ROBO1: variants seen among roughly 807,000 people sequenced by gnomAD.
The protein encoded by ROBO1 is roundabout homolog 1.
In ROBO1, 149 loss-of-function variants were observed where a neutral mutation model predicts 195.9. That is an observed-to-expected ratio of 0.76 (90% CI 0.67 to 0.87). The LOEUF is 0.87. ROBO1 is among the 40% of genes least tolerant of loss of function. The pLI is 0.00. For missense variants in ROBO1, 1,933 were observed against 2,068.3 expected (o/e 0.93, Z 1.27); for synonymous variants, 816 against 733.2 (o/e 1.11, Z -1.82).
intron 4 of ROBO1, among the ~76,000 whole-genome samples, chr3:78,878,726 G>C (rs915475641): frequency 7.7e-6 from 1 of 129,288 alleles, no homozygotes; most frequent in African/African-American, 2.7e-5. Context: ...GCTAAATAGA[G>C]TATGTGAAGC....
intron 4 of ROBO1, among the ~76,000 whole-genome samples, chr3:78,752,594 T>A (rs545768371): frequency 1.3e-5 from 2 of 152,224 alleles, no homozygotes; most frequent in African/African-American, 4.8e-5. Context: ...GTGTGAAAAA[T>A]TTCTTAATAT....
intron 2 of ROBO1, among the ~76,000 whole-genome samples, chr3:79,226,415 T>C (rs78792727): frequency 5.3e-5 from 8 of 152,174 alleles, no homozygotes; most frequent in African/African-American, 1.2e-4. Flanking sequence ...CAAGTCTTCT[T>C]TGAGCTCCTG....
At chr3:79,698,201 G>GAAATTTGTTTGCCAAAGCATT (rs1947503096) in intron 1 of ROBO1, among the ~76,000 whole-genome samples, 1 of 151,384 alleles carries the variant, frequency 6.6e-6, no homozygotes, top group Non-Finnish European at 1.5e-5. Flanking sequence ...GAACTTACTA[G>GAAATTTGTTTGCCAAAGCATT]AAATTTGTTT....
intron 3 of ROBO1, among the ~76,000 whole-genome samples, chr3:79,010,300 G>A (rs2077743339): frequency 6.6e-6 from 1 of 152,060 alleles, no homozygotes; most frequent in Non-Finnish European, 1.5e-5. Context: ...CTACTTTTAT[G>A]TCCTCACTCT....
At chr3:79,679,140 T>C (rs1404366209) in intron 1 of ROBO1, among the ~76,000 whole-genome samples, 2 of 152,038 alleles carry the variant, frequency 1.3e-5, no homozygotes, top group Admixed American at 1.3e-4. Context: ...TTTGATATGA[T>C]ACTTAAACAT....
At chr3:79,650,492 T>A (rs1945970889) in intron 1 of ROBO1, among the ~76,000 whole-genome samples, 1 of 151,692 alleles carries the variant, frequency 6.6e-6, no homozygotes, top group Non-Finnish European at 1.5e-5. Flanking sequence ...TATCAAAATT[T>A]TGATGGTAAA....
chr3:78,782,127 A>G (rs2083694584), intron 4 of ROBO1, among the ~76,000 whole-genome samples: 1 of 151,964 alleles, frequency 6.6e-6, no homozygotes, highest in African/African-American at 2.4e-5. Flanking sequence ...ATGTCTATTA[A>G]CTCCAAGTTA....
At chr3:79,529,085 T>C (rs1941547057) in intron 2 of ROBO1, among the ~76,000 whole-genome samples, 1 of 152,254 alleles carries the variant, frequency 6.6e-6, no homozygotes, top group South Asian at 2.1e-4. Context: ...TTTTATTTAC[T>C]GCTTAATTAA....
intron 4 of ROBO1, among the ~76,000 whole-genome samples, chr3:78,842,990 T>G (rs772944950): frequency 3.3e-5 from 5 of 152,100 alleles, no homozygotes; most frequent in Non-Finnish European, 7.4e-5. Flanking sequence ...ATGGATAAAG[T>G]ATTTAATTCA....
intron 2 of ROBO1, among the ~76,000 whole-genome samples, chr3:79,176,264 A>G (rs182473499): frequency 6.6e-6 from 1 of 152,306 alleles, no homozygotes; most frequent in East Asian, 1.9e-4. Flanking sequence ...CTAAAGGTAA[A>G]GCTTCAGAAG....
intron 3 of ROBO1, among the ~76,000 whole-genome samples, chr3:79,117,317 T>A (rs1280544217): frequency 2.7e-5 from 4 of 150,756 alleles, no homozygotes; most frequent in Non-Finnish European, 5.9e-5. Flanking sequence ...TTGCAGTGAG[T>A]CAAGATCGCA....
chr3:78,737,042 T>G (rs80307491), intron 5 of ROBO1, among the ~76,000 whole-genome samples: 200 of 152,260 alleles, frequency 1.3e-3, no homozygotes, highest in African/African-American at 4.6e-3. Context: ...TTTAGGGCAT[T>G]AGGACAGAAT....
intron 2 of ROBO1, among the ~76,000 whole-genome samples, chr3:79,552,142 T>C (rs1942545714): frequency 6.6e-6 from 1 of 151,544 alleles, no homozygotes; most frequent in African/African-American, 2.4e-5. Context: ...TTAGACAGTG[T>C]TACCCAAAAC....
chr3:78,712,423 A>G (rs1559775698), intron 8 of ROBO1, among the ~76,000 whole-genome samples: 1 of 152,180 alleles, frequency 6.6e-6, no homozygotes, highest in African/African-American at 2.4e-5. Flanking sequence ...TTCTACGTTC[A>G]GTCTCAAAAG....
At chr3:79,004,331 A>C (rs982079151) in intron 3 of ROBO1, among the ~76,000 whole-genome samples, 3 of 152,214 alleles carry the variant, frequency 2.0e-5, no homozygotes, top group African/African-American at 7.2e-5. Flanking sequence ...CATCCCTTCT[A>C]TAACTCCTGT....
intron 22 of ROBO1, among the ~76,000 whole-genome samples, chr3:78,636,944 TA>T (rs1705547013): frequency 1.0e-5 from 1 of 100,456 alleles, no homozygotes; most frequent in Non-Finnish European, 2.0e-5. Context: ...TTTATATATA[TA>T]TATATATATA....
At chr3:79,229,946 T>A (rs1468452171) in intron 2 of ROBO1, among the ~76,000 whole-genome samples, 1 of 152,214 alleles carries the variant, frequency 6.6e-6, no homozygotes, top group Non-Finnish European at 1.5e-5. Flanking sequence ...AGCGACTCTT[T>A]CTTTCAGTAT....
chr3:78,949,927 C>G lies in ROBO1; in HGVS notation c.173-11000G>C, dbSNP rs1031256913. Among the ~76,000 whole-genome samples, 92 of 152,238 alleles carry G rather than the reference C, an allele frequency of 6.0e-4. 1 individual carries two copies. Among genetic ancestry groups the G allele is most frequent in the African/African-American group, 2.1e-3 (87 of 41,526 alleles). ...ATGAAAAAATGCTCATCATCACTGG[C>G]CATCAGAGAAATGCAAATCAAAACT... On this transcript the variant is annotated intron_variant, in intron 3 of 30. Transcript: ENST00000464233.
At chr3:78,973,598 T>C (rs1386961127) in intron 3 of ROBO1, among the ~76,000 whole-genome samples, 1 of 143,284 alleles carries the variant, frequency 7.0e-6, no homozygotes, top group Non-Finnish European at 1.5e-5. Flanking sequence ...TATATATATA[T>C]AGCTTCTTAG....
Sources: allele counts gnomAD v4.1 joint callset (sites outside exome capture counted in the v4.1 genomes callset), GRCh38; gene constraint gnomAD v4.1.1; transcripts MANE v1.5; gene names NCBI Gene and HGNC (gene_info 2026-07-23, HGNC 2026-07-21).